Variants in PCDH15 observed in about 807,000 individuals in gnomAD.
PCDH15 encodes protocadherin-15.
In PCDH15, 129 loss-of-function variants were observed where a neutral mutation model predicts 178.5. The observed-to-expected ratio is 0.72, with a 90% CI of 0.63 to 0.84. The LOEUF (loss-of-function observed/expected upper bound fraction) is 0.84. Among genes scored for constraint, PCDH15 ranks in the 40% least tolerant of loss-of-function variants. The pLI, the probability that PCDH15 is intolerant of heterozygous loss-of-function variation, is 0.00. For synonymous variants in PCDH15, 800 were observed against 732.0 expected (o/e 1.09, Z -1.50); for missense variants, 2,230 against 2,099.9 (o/e 1.06, Z -1.21).
At chr10:54,097,912 C>T (rs1285370897) in intron 15 of PCDH15, among the ~76,000 whole-genome samples, 1 of 152,138 alleles carries the variant, frequency 6.6e-6, no homozygotes, top group Non-Finnish European at 1.5e-5. Context: ...CAAGGATAAA[C>T]TAAGTCCAGG....
chr10:54,458,363 C>A (rs2076957214), intron 3 of PCDH15, among the ~76,000 whole-genome samples: 2 of 151,328 alleles, frequency 1.3e-5, no homozygotes, highest in Admixed American at 1.3e-4. Flanking sequence ...TTGCCTTTGG[C>A]ATTACAATTA....
At chr10:54,646,831 A>C (rs2094139203) in intron 2 of PCDH15, among the ~76,000 whole-genome samples, 1 of 152,086 alleles carries the variant, frequency 6.6e-6, no homozygotes, top group Non-Finnish European at 1.5e-5. Flanking sequence ...AACAAAGCAA[A>C]AACAAAAGAC....
At chr10:54,082,041 C>T (rs7921911) in intron 16 of PCDH15, among the ~76,000 whole-genome samples, 33,135 of 152,082 alleles carry the variant, frequency 0.22, 6,411 homozygotes, top group African/African-American at 0.52. Flanking sequence ...TTGTCTTTAT[C>T]CTACCATCTC....
At chr10:54,475,808 A>G (rs1407926293) in intron 3 of PCDH15, among the ~76,000 whole-genome samples, 1 of 151,386 alleles carries the variant, frequency 6.6e-6, no homozygotes, top group Non-Finnish European at 1.5e-5. Context: ...AATTATTTCA[A>G]AAGTGGTAAT....
intron 20 of PCDH15, among the ~76,000 whole-genome samples, chr10:54,003,421 G>T (rs2092256054): frequency 6.6e-6 from 1 of 151,828 alleles, no homozygotes; most frequent in Non-Finnish European, 1.5e-5. Flanking sequence ...ATATGAAAAA[G>T]AAAACATTAC....
At chr10:55,258,015 A>G (rs567667953) in intron 1 of PCDH15, among the ~76,000 whole-genome samples, 11 of 152,270 alleles carry the variant, frequency 7.2e-5, no homozygotes, top group Middle Eastern at 3.4e-3. Flanking sequence ...TCAGACTAAC[A>G]GCTGATCTCT....
intron 25 of PCDH15, among the ~76,000 whole-genome samples, chr10:53,924,336 C>T (rs868798428): frequency 2.6e-5 from 4 of 152,216 alleles, no homozygotes; most frequent in Admixed American, 6.5e-5. Flanking sequence ...CCAGCAGCTG[C>T]GGAGGGTGCA....
chr10:54,465,933 C>A (rs1264497678), intron 3 of PCDH15, among the ~76,000 whole-genome samples: 1 of 151,884 alleles, frequency 6.6e-6, no homozygotes, highest in African/African-American at 2.4e-5. Context: ...TTGATAATAG[C>A]CATTCTAACT....
chr10:55,311,241 A>C (rs2132288841), intron 1 of PCDH15, among the ~76,000 whole-genome samples: 1 of 152,302 alleles, frequency 6.6e-6, no homozygotes, highest in African/African-American at 2.4e-5. Flanking sequence ...TTGCTTTTAA[A>C]ATTTTCAGAT....
At chr10:54,610,676 T>A (rs2092932683) in intron 2 of PCDH15, among the ~76,000 whole-genome samples, 2 of 152,022 alleles carry the variant, frequency 1.3e-5, no homozygotes, top group South Asian at 4.1e-4. Context: ...AGTTCTGTTT[T>A]GCTGTGCTAG....
At chr10:55,172,530 A>G (rs999931764) in intron 1 of PCDH15, among the ~76,000 whole-genome samples, 1 of 152,016 alleles carries the variant, frequency 6.6e-6, no homozygotes. Context: ...ACTTCAGAGC[A>G]TTTGGATATT....
At chr10:54,931,047 G>A (rs1837760163) in intron 2 of PCDH15, among the ~76,000 whole-genome samples, 1 of 152,080 alleles carries the variant, frequency 6.6e-6, no homozygotes, top group African/African-American at 2.4e-5. Flanking sequence ...TTTTCCTGGA[G>A]TATTTTACTT....
chr10:53,832,345 T>C (rs933245942), intron 29 of PCDH15, among the ~76,000 whole-genome samples: 7 of 152,136 alleles, frequency 4.6e-5, no homozygotes, highest in East Asian at 1.9e-4. Flanking sequence ...AATATCATAA[T>C]TAGCAGGTGA....
At chr10:55,544,132 A>G (rs1841822885) in intron 2 of PCDH15, among the ~76,000 whole-genome samples, 1 of 69,134 alleles carries the variant, frequency 1.4e-5, no homozygotes, top group Admixed American at 1.9e-4. Flanking sequence ...CTCAAATCTT[A>G]TACATACATA....
intron 2 of PCDH15, among the ~76,000 whole-genome samples, chr10:55,356,591 T>G (rs2131973315): frequency 6.6e-6 from 1 of 152,064 alleles, no homozygotes; most frequent in Admixed American, 6.6e-5. Context: ...ATTCGTTCAT[T>G]TATTCAATCA....
At chr10:54,369,891 T>C (rs1947382661) in intron 4 of PCDH15, among the ~76,000 whole-genome samples, 1 of 152,010 alleles carries the variant, frequency 6.6e-6, no homozygotes, top group Admixed American at 6.6e-5. Context: ...AGATTTACTA[T>C]AGCATTTTTT....
intron 1 of PCDH15, among the ~76,000 whole-genome samples, chr10:55,173,419 A>C (rs1356931515): frequency 1.3e-5 from 2 of 151,740 alleles, no homozygotes; most frequent in African/African-American, 4.8e-5. Context: ...GTAAAAATTT[A>C]TATGCCCATT....
chr10:53,872,517 T>C (rs986147268), intron 26 of PCDH15, among the ~76,000 whole-genome samples: 2 of 152,172 alleles, frequency 1.3e-5, no homozygotes, highest in Admixed American at 1.3e-4. Flanking sequence ...TCAGAGTTGA[T>C]CACATTGTTC....
At chr10:55,108,237 G>A (rs527723285) in intron 2 of PCDH15, among the ~76,000 whole-genome samples, 5 of 152,152 alleles carry the variant, frequency 3.3e-5, no homozygotes, top group Non-Finnish European at 7.3e-5. Context: ...GTTTGTTATA[G>A]CTACCTGGAA....
Sources: allele counts gnomAD v4.1 joint callset (sites outside exome capture counted in the v4.1 genomes callset), GRCh38; gene constraint gnomAD v4.1.1; transcripts MANE v1.5; gene names NCBI Gene and HGNC (gene_info 2026-07-23, HGNC 2026-07-21).